Variants in CACNG3 observed in about 807,000 individuals in gnomAD.
CACNG3 encodes the protein calcium voltage-gated channel auxiliary subunit gamma 3, also known as voltage-dependent calcium channel gamma-3 subunit.
A neutral mutation model predicts 28.5 loss-of-function variants in CACNG3; 3 were observed. That is an observed-to-expected ratio of 0.11 (90% confidence interval 0.05 to 0.27). CACNG3 has a LOEUF of 0.27. CACNG3 is among the 10% of genes least tolerant of loss of function. The probability of loss-of-function intolerance (pLI) is 1.00; values close to 1 mark genes in which losing one functional copy is unlikely to be tolerated. For synonymous variants in CACNG3, 174 were observed against 162.2 expected, an observed-to-expected ratio of 1.07 and a Z score of -0.55; for missense variants, 236 against 414.4, an observed-to-expected ratio of 0.57 and a Z score of 3.74.
chr16:24,324,019 C>T (rs1354318821), intron 1 of CACNG3, among the ~76,000 whole-genome samples: 2 of 152,212 alleles, frequency 1.3e-5, no homozygotes, highest in African/African-American at 4.8e-5. Context: ...CCTGATCTGC[C>T]TGCCTCGGCC....
intron 1 of CACNG3, among the ~76,000 whole-genome samples, chr16:24,267,085 G>T (rs1436128517): frequency 6.6e-6 from 1 of 150,462 alleles, no homozygotes; most frequent in Non-Finnish European, 1.5e-5. Context: ...TCCTGCCTCA[G>T]CCTCCCGAGT....
intron 1 of CACNG3, among the ~76,000 whole-genome samples, chr16:24,336,965 C>T (rs1274942387): frequency 1.3e-5 from 2 of 152,076 alleles, no homozygotes; most frequent in Non-Finnish European, 2.9e-5. Context: ...TAGGTGTGTG[C>T]CACCATGTCC....
At chr16:24,282,108 A>G (rs765238248) in intron 1 of CACNG3, among the ~76,000 whole-genome samples, 13 of 152,188 alleles carry the variant, frequency 8.5e-5, no homozygotes, top group Non-Finnish European at 1.5e-4. Context: ...AGGCTTTCAA[A>G]CATGACTTTA....
intron 3 of CACNG3, among the ~76,000 whole-genome samples, chr16:24,357,815 T>C (rs1900053331): frequency 6.6e-6 from 1 of 152,228 alleles, no homozygotes; most frequent in Non-Finnish European, 1.5e-5. Context: ...TGTGAGAGTT[T>C]CCTAAGAACA....
intron 1 of CACNG3, among the ~76,000 whole-genome samples, chr16:24,281,430 C>T (rs1438014646): frequency 7.2e-5 from 11 of 151,836 alleles, no homozygotes. Context: ...TGCTCTCCAA[C>T]TCTTGAGCTC....
chr16:24,267,127 T>C (rs957508366), intron 1 of CACNG3, among the ~76,000 whole-genome samples: 54 of 151,656 alleles, frequency 3.6e-4, no homozygotes, highest in Admixed American at 1.7e-3. Context: ...CCACCACACC[T>C]GGCTAATTTT....
At chr16:24,303,149 A>G (rs1186562198) in intron 1 of CACNG3, among the ~76,000 whole-genome samples, 1 of 152,008 alleles carries the variant, frequency 6.6e-6, no homozygotes, top group African/African-American at 2.4e-5. Context: ...GCCTAAAAAC[A>G]ACTGCTTTGC....
At chr16:24,291,247 AGTCATCACT>A (rs1172188222) in intron 1 of CACNG3, among the ~76,000 whole-genome samples, 1 of 152,206 alleles carries the variant, frequency 6.6e-6, no homozygotes, top group Non-Finnish European at 1.5e-5. Flanking sequence ...ACACACTGTG[AGTCATCACT>A]GCTGGTCTGG....
At chr16:24,257,263 C>T (rs1178235631) in intron 1 of CACNG3, among the ~76,000 whole-genome samples, 2 of 148,334 alleles carry the variant, frequency 1.3e-5, no homozygotes, top group Non-Finnish European at 3.0e-5. Context: ...TTGTCAACTG[C>T]TTGGATCTCT....
At chr16:24,308,643 T>C (rs1899218065) in intron 1 of CACNG3, among the ~76,000 whole-genome samples, 1 of 151,686 alleles carries the variant, frequency 6.6e-6, no homozygotes, top group Non-Finnish European at 1.5e-5. Context: ...TCGCTTGTGC[T>C]CAGGAATTCA....
chr16:24,312,291 C>T (rs1899274315), intron 1 of CACNG3, among the ~76,000 whole-genome samples: 1 of 152,186 alleles, frequency 6.6e-6, no homozygotes, highest in Non-Finnish European at 1.5e-5. Flanking sequence ...TCCCATCTAT[C>T]CTCCCCATCT....
chr16:24,289,226 T>C (rs1898933740), intron 1 of CACNG3, among the ~76,000 whole-genome samples: 1 of 152,034 alleles, frequency 6.6e-6, no homozygotes, highest in East Asian at 1.9e-4. Context: ...TTCCTCAACG[T>C]TCCTCTCAGA....
At chr16:24,358,334 C>A (rs756990984) in intron 3 of CACNG3, among the ~76,000 whole-genome samples, 1 of 152,204 alleles carries the variant, frequency 6.6e-6, no homozygotes, top group Non-Finnish European at 1.5e-5. Context: ...GTCACTTAAC[C>A]TTTCTGTGCT....
intron 3 of CACNG3, among the ~76,000 whole-genome samples, chr16:24,355,699 A>G (rs1900022507): frequency 6.6e-6 from 1 of 152,150 alleles, no homozygotes; most frequent in Admixed American, 6.5e-5. Flanking sequence ...CTTATTGTTC[A>G]AGCCTCTCTT....
intron 2 of CACNG3, among the ~76,000 whole-genome samples, chr16:24,348,735 T>C (rs1334434327): frequency 6.6e-6 from 1 of 152,212 alleles, no homozygotes; most frequent in Non-Finnish European, 1.5e-5. Context: ...ATCTTCTCAA[T>C]AGAGAATGGC....
At chr16:24,331,231 G>A (rs79043377) in intron 1 of CACNG3, among the ~76,000 whole-genome samples, 2,388 of 152,144 alleles carry the variant, frequency 0.016, 68 homozygotes, top group African/African-American at 0.052. Context: ...AAATAATGAA[G>A]GACCAAGGAA....
intron 1 of CACNG3, among the ~76,000 whole-genome samples, chr16:24,291,682 C>T (rs943340209): frequency 6.6e-6 from 1 of 152,108 alleles, no homozygotes; most frequent in Admixed American, 6.6e-5. Flanking sequence ...CTCCTTCCCC[C>T]ACTTACTGGG....
chr16:24,271,209 C>G (rs962224338), intron 1 of CACNG3, among the ~76,000 whole-genome samples: 4 of 152,178 alleles, frequency 2.6e-5, no homozygotes, highest in Non-Finnish European at 5.9e-5. Flanking sequence ...CTTGACCTCC[C>G]TTGTTCTCTC....
chr16:24,331,396 T>C (rs1014113887), intron 1 of CACNG3, among the ~76,000 whole-genome samples: 3 of 152,158 alleles, frequency 2.0e-5, no homozygotes, highest in African/African-American at 7.2e-5. Context: ...TCCCATACTC[T>C]GTTTTAAGGC....
Sources: allele counts gnomAD v4.1 joint callset (sites outside exome capture counted in the v4.1 genomes callset), GRCh38; gene constraint gnomAD v4.1.1; transcripts MANE v1.5; gene names NCBI Gene and HGNC (gene_info 2026-07-23, HGNC 2026-07-21).